Variants in LRRTM4 observed in about 807,000 individuals in gnomAD.
The protein encoded by LRRTM4 is leucine-rich repeat transmembrane neuronal protein 4.
LRRTM4 carries 25 observed loss-of-function variants against 47.6 expected under a neutral mutation model. The ratio of observed to expected loss-of-function variants is 0.53; its 90% CI spans 0.38 to 0.73. The LOEUF is 0.73. LRRTM4 is among the 30% of genes least tolerant of loss of function. The pLI is 0.00. For missense variants in LRRTM4, 638 were observed against 713.4 expected, an observed-to-expected ratio of 0.89 and a Z score of 1.20; for synonymous variants, 311 against 269.5, an observed-to-expected ratio of 1.15 and a Z score of -1.51.
intron 3 of LRRTM4, among the ~76,000 whole-genome samples, chr2:76,887,879 T>C (rs1673128008): frequency 6.6e-6 from 1 of 151,036 alleles, no homozygotes; most frequent in Non-Finnish European, 1.5e-5. Flanking sequence ...AGATAAAAGA[T>C]AATGCCTAAA....
chr2:77,339,292 G>A (rs754740040), intron 3 of LRRTM4, among the ~76,000 whole-genome samples: 20 of 151,862 alleles, frequency 1.3e-4, no homozygotes, highest in South Asian at 6.2e-4. Flanking sequence ...TTTACTTAAC[G>A]TATATTTAAA....
chr2:77,225,623 G>A (rs1674783759), intron 3 of LRRTM4, among the ~76,000 whole-genome samples: 1 of 152,082 alleles, frequency 6.6e-6, no homozygotes, highest in Non-Finnish European at 1.5e-5. Context: ...GAGTTAATTA[G>A]TAATACATAT....
chr2:77,216,882 C>G (rs1674457994), intron 3 of LRRTM4, among the ~76,000 whole-genome samples: 1 of 151,960 alleles, frequency 6.6e-6, no homozygotes, highest in African/African-American at 2.4e-5. Context: ...ACCATCCTGG[C>G]TAACACGGTG....
intron 3 of LRRTM4, among the ~76,000 whole-genome samples, chr2:77,007,412 T>C (rs76074181): frequency 0.022 from 3,288 of 152,242 alleles, 119 homozygotes; most frequent in East Asian, 0.14. Context: ...CATGTAAAAT[T>C]TGCTGAGATA....
At chr2:76,973,791 G>A (rs2860935) in intron 3 of LRRTM4, among the ~76,000 whole-genome samples, 43,851 of 151,594 alleles carry the variant, frequency 0.29, 8,212 homozygotes, top group African/African-American at 0.54. Flanking sequence ...CCAAAGTAGT[G>A]CACACAATTA....
chr2:76,767,956 A>G (rs559859254), intron 3 of LRRTM4, among the ~76,000 whole-genome samples: 1 of 152,332 alleles, frequency 6.6e-6, no homozygotes, highest in African/African-American at 2.4e-5. Flanking sequence ...AATGTTAGGC[A>G]TAAAATCATT....
intron 3 of LRRTM4, among the ~76,000 whole-genome samples, chr2:76,750,007 T>C (rs1341260261): frequency 6.6e-6 from 1 of 152,216 alleles, no homozygotes; most frequent in African/African-American, 2.4e-5. Flanking sequence ...GGTTTGGACT[T>C]TGCAAACCAC....
intron 3 of LRRTM4, among the ~76,000 whole-genome samples, chr2:76,751,168 G>A (rs1346342299): frequency 6.6e-6 from 1 of 152,136 alleles, no homozygotes; most frequent in Non-Finnish European, 1.5e-5. Context: ...TTATTTTACA[G>A]TGACTGGCAA....
At chr2:76,898,364 G>A (rs1242733680) in intron 3 of LRRTM4, among the ~76,000 whole-genome samples, 1 of 138,046 alleles carries the variant, frequency 7.2e-6, no homozygotes, top group African/African-American at 2.9e-5. Context: ...AACAGCAATT[G>A]AAATGATTTC....
chr2:77,286,164 G>A (rs1676652144), intron 3 of LRRTM4, among the ~76,000 whole-genome samples: 1 of 151,982 alleles, frequency 6.6e-6, no homozygotes, highest in Admixed American at 6.6e-5. Flanking sequence ...GACCAGTCAA[G>A]TTGCCTCAAT....
chr2:77,118,396 GCTGATAAGCCA>G (rs1410297939), intron 3 of LRRTM4, among the ~76,000 whole-genome samples: 4 of 151,980 alleles, frequency 2.6e-5, no homozygotes, highest in Non-Finnish European at 5.9e-5. Flanking sequence ...CATCAGTGCA[GCTGATAAGCCA>G]CTAATTCATT....
At chr2:77,378,693 C>T (rs1672933344) in intron 3 of LRRTM4, among the ~76,000 whole-genome samples, 1 of 152,064 alleles carries the variant, frequency 6.6e-6, no homozygotes, top group African/African-American at 2.4e-5. Flanking sequence ...GCTTTGAAGC[C>T]AGGCTTACTG....
intron 3 of LRRTM4, among the ~76,000 whole-genome samples, chr2:77,232,740 T>TAA (rs1296647408): frequency 1.3e-4 from 20 of 152,162 alleles, no homozygotes; most frequent in Non-Finnish European, 1.2e-4. Flanking sequence ...TACTTATGGG[T>TAA]AAGAGTATTT....
intron 3 of LRRTM4, among the ~76,000 whole-genome samples, chr2:77,510,767 T>A: frequency 6.6e-6 from 1 of 152,102 alleles, no homozygotes; most frequent in South Asian, 2.1e-4. Flanking sequence ...TATTAAAAAT[T>A]TACTCACCTT....
rs190320988 is a variant in LRRTM4 at position 77,202,499 on chromosome 2, T to C, written c.1551+315819A>G. Among the ~76,000 whole-genome samples the C allele has an allele frequency of 9.9e-5, 15 of 152,246 alleles. No homozygotes were observed. In the East Asian group the frequency reaches 2.9e-3, roughly 29 times the overall value. On this transcript the variant is annotated intron_variant, in intron 3 of 3. Coordinates refer to ENST00000409884, the MANE Select transcript of LRRTM4 (RefSeq NM_001134745.3). The stretch of plus-strand genomic sequence containing the variant: ...TGTCCACGGCTTTCAGTTACTTCTT[T>C]GGAAGTGATCAACCAGACTAGATTG...
At chr2:77,050,030 A>C (rs1271642445) in intron 3 of LRRTM4, among the ~76,000 whole-genome samples, 1 of 152,024 alleles carries the variant, frequency 6.6e-6, no homozygotes, top group Non-Finnish European at 1.5e-5. Context: ...CATCTCCATA[A>C]TATATTCTAA....
At chr2:77,417,115 T>A (rs575686067) in intron 3 of LRRTM4, among the ~76,000 whole-genome samples, 16 of 152,230 alleles carry the variant, frequency 1.1e-4, no homozygotes, top group African/African-American at 3.4e-4. Flanking sequence ...AGAAGACATT[T>A]ATGCAGACAA....
intron 3 of LRRTM4, among the ~76,000 whole-genome samples, chr2:76,917,628 C>T (rs780103796): frequency 6.6e-6 from 1 of 152,134 alleles, no homozygotes; most frequent in Admixed American, 6.5e-5. Flanking sequence ...ATTCACTCTT[C>T]CCATACTGCA....
chr2:77,382,672 C>G (rs749241609), intron 3 of LRRTM4, among the ~76,000 whole-genome samples: 1 of 152,088 alleles, frequency 6.6e-6, no homozygotes, highest in South Asian at 2.1e-4. Context: ...ATAAAATGAC[C>G]TTTTACCTAA....
Sources: allele counts gnomAD v4.1 joint callset (sites outside exome capture counted in the v4.1 genomes callset), GRCh38; gene constraint gnomAD v4.1.1; transcripts MANE v1.5; gene names NCBI Gene and HGNC (gene_info 2026-07-23, HGNC 2026-07-21).